Variants in SDK1 observed in about 807,000 individuals in gnomAD.
SDK1 encodes sidekick cell adhesion molecule 1, also known as protein sidekick-1.
A neutral mutation model predicts 245.5 loss-of-function variants in SDK1; 157 were observed. That is an observed-to-expected ratio of 0.64 (90% CI 0.56 to 0.73). SDK1 has a LOEUF of 0.73. Among genes scored for constraint, SDK1 ranks in the 30% least tolerant of loss-of-function variants. The pLI, the probability that SDK1 is intolerant of heterozygous loss-of-function variation, is 0.00. For synonymous variants in SDK1, 1,647 were observed against 1,278.5 expected, an observed-to-expected ratio of 1.29 and a Z score of -6.15; for missense variants, 3,583 against 3,002.3, an observed-to-expected ratio of 1.19 and a Z score of -4.52.
intron 1 of SDK1, among the ~76,000 whole-genome samples, chr7:3,349,210 CACA>C (rs1583721184): frequency 6.6e-6 from 1 of 151,442 alleles, no homozygotes; most frequent in Non-Finnish European, 1.5e-5. Context: ...ACAAAAAAAA[CACA>C]ACAAAACAAA....
chr7:4,196,502 CT>C (rs1783584845), intron 35 of SDK1, among the ~76,000 whole-genome samples: 1 of 152,228 alleles, frequency 6.6e-6, no homozygotes, highest in South Asian at 2.1e-4. Flanking sequence ...CACACAGCCT[CT>C]TCCACCTCAG....
intron 1 of SDK1, among the ~76,000 whole-genome samples, chr7:3,559,304 G>T (rs1441861388): frequency 6.6e-6 from 1 of 152,088 alleles, no homozygotes; most frequent in Non-Finnish European, 1.5e-5. Context: ...GAACAGTTCT[G>T]CTGTTTCCTT....
chr7:3,553,376 A>C (rs538928201), intron 1 of SDK1, among the ~76,000 whole-genome samples: 1 of 152,256 alleles, frequency 6.6e-6, no homozygotes, highest in Non-Finnish European at 1.5e-5. Flanking sequence ...CTTTCTCCCA[A>C]CTAAATACAA....
chr7:3,539,633 A>G (rs1335432415), intron 1 of SDK1, among the ~76,000 whole-genome samples: 1 of 152,148 alleles, frequency 6.6e-6, no homozygotes, highest in Non-Finnish European at 1.5e-5. Flanking sequence ...CATCTGACAT[A>G]ATTCGTGATG....
chr7:3,652,429 T>G (rs1036526411), intron 4 of SDK1, among the ~76,000 whole-genome samples: 1 of 152,224 alleles, frequency 6.6e-6, no homozygotes, highest in Non-Finnish European at 1.5e-5. Flanking sequence ...CATGGTGGCA[T>G]GCGGTGGCCC....
At chr7:4,237,851 C>G in intron 42 of SDK1, 67 bp downstream of exon 42, 1 of 1,567,532 alleles carries the variant, frequency 6.4e-7, no homozygotes, top group Non-Finnish European at 8.8e-7. Flanking sequence ...CGTTCGTTCT[C>G]TCGTGGATCT....
intron 1 of SDK1, among the ~76,000 whole-genome samples, chr7:3,443,990 CG>C (rs1371977022): frequency 2.0e-5 from 3 of 152,202 alleles, no homozygotes; most frequent in Admixed American, 2.0e-4. Context: ...ATACATAGCA[CG>C]GAAGCCTGAG....
intron 5 of SDK1, among the ~76,000 whole-genome samples, chr7:3,940,618 T>C (rs1390221139): frequency 6.6e-6 from 1 of 151,730 alleles, no homozygotes; most frequent in African/African-American, 2.4e-5. Context: ...TGAGGCACTT[T>C]GGGAGACCAG....
At chr7:4,011,530 G>A (rs866601887) in intron 15 of SDK1, among the ~76,000 whole-genome samples, 7 of 152,162 alleles carry the variant, frequency 4.6e-5, no homozygotes, top group African/African-American at 1.2e-4. Flanking sequence ...CAGAGGCGTC[G>A]CATTCCTGAG....
chr7:3,606,921 G>A (rs1340114090), intron 1 of SDK1, among the ~76,000 whole-genome samples: 1 of 152,038 alleles, frequency 6.6e-6, no homozygotes, highest in African/African-American at 2.4e-5. Flanking sequence ...TGAAAAAAGT[G>A]TTATGTACAA....
At chr7:3,346,432 T>C (rs1780498424) in intron 1 of SDK1, among the ~76,000 whole-genome samples, 1 of 152,166 alleles carries the variant, frequency 6.6e-6, no homozygotes, top group Non-Finnish European at 1.5e-5. Flanking sequence ...ATGGTCCTGA[T>C]CGATGAAGCT....
At chr7:3,442,111 C>T (rs1379180830) in intron 1 of SDK1, among the ~76,000 whole-genome samples, 1 of 152,106 alleles carries the variant, frequency 6.6e-6, no homozygotes, top group Non-Finnish European at 1.5e-5. Flanking sequence ...AGATTTAAGC[C>T]AGAGGTTCAG....
At chr7:3,413,977 A>G (rs189671942) in intron 1 of SDK1, among the ~76,000 whole-genome samples, 4 of 152,162 alleles carry the variant, frequency 2.6e-5, no homozygotes. Context: ...ATCTCTAAAA[A>G]ATAAAAAGAT....
At chr7:3,992,510 G>C (rs1360713647) in intron 14 of SDK1, among the ~76,000 whole-genome samples, 1 of 152,224 alleles carries the variant, frequency 6.6e-6, no homozygotes, top group Non-Finnish European at 1.5e-5. Flanking sequence ...GGGGATCCCT[G>C]CATTGAGAGA....
At chr7:4,068,183 A>C (rs1780021668) in intron 20 of SDK1, among the ~76,000 whole-genome samples, 1 of 152,188 alleles carries the variant, frequency 6.6e-6, no homozygotes. Context: ...TTCTCCTCGC[A>C]TGATCTTAGT....
intron 5 of SDK1, among the ~76,000 whole-genome samples, chr7:3,908,222 C>T (rs1203189398): frequency 2.0e-5 from 3 of 152,186 alleles, no homozygotes; most frequent in Non-Finnish European, 4.4e-5. Context: ...CGCCTTGTGT[C>T]CCGCTCACTT....
intron 20 of SDK1, among the ~76,000 whole-genome samples, chr7:4,072,622 A>G (rs541553289): frequency 6.6e-6 from 1 of 152,192 alleles, no homozygotes; most frequent in Admixed American, 6.5e-5. Context: ...CAAAAGAAAA[A>G]CTGTGTTCGT....
intron 1 of SDK1, among the ~76,000 whole-genome samples, chr7:3,561,193 C>G (rs1238660435): frequency 3.9e-5 from 6 of 152,168 alleles, no homozygotes; most frequent in South Asian, 2.1e-4. Context: ...TGATCTGTCT[C>G]CACAGTTCTA....
At chr7:3,503,928 G>A (rs1040797215) in intron 1 of SDK1, among the ~76,000 whole-genome samples, 6 of 151,990 alleles carry the variant, frequency 3.9e-5, no homozygotes, top group Admixed American at 3.3e-4. Flanking sequence ...GAGGTGGGCG[G>A]ATCACGAGGT....
Sources: allele counts gnomAD v4.1 joint callset (sites outside exome capture counted in the v4.1 genomes callset), GRCh38; gene constraint gnomAD v4.1.1; transcripts MANE v1.5; gene names NCBI Gene and HGNC (gene_info 2026-07-23, HGNC 2026-07-21).